ATG10: variants seen among roughly 807,000 people sequenced by gnomAD.
ATG10 encodes the protein autophagy related 10, also known as ubiquitin-like-conjugating enzyme ATG10.
ATG10 carries 30 observed loss-of-function variants against 32.1 expected under a neutral mutation model. The observed-to-expected ratio is 0.94, with a 90% CI of 0.70 to 1.27. The LOEUF is 1.27. ATG10 is among the 50% of genes most tolerant of loss of function. The pLI, the probability that ATG10 is intolerant of heterozygous loss-of-function variation, is 0.00. For synonymous variants in ATG10, 87 were observed against 91.5 expected (o/e 0.95, Z 0.28); for missense variants, 233 against 262.3 (o/e 0.89, Z 0.77).
chr5:82,175,999 A>G (rs776227594), intron 4 of ATG10, among the ~76,000 whole-genome samples: 2 of 152,182 alleles, frequency 1.3e-5, no homozygotes, highest in Non-Finnish European at 2.9e-5. Flanking sequence ...CCTGGCATAT[A>G]GTAGGTGCCC....
At chr5:82,042,786 C>T (rs1763126073) in intron 2 of ATG10, among the ~76,000 whole-genome samples, 1 of 152,186 alleles carries the variant, frequency 6.6e-6, no homozygotes, top group East Asian at 1.9e-4. Context: ...CTCCATGTCT[C>T]ATATCCTGGG....
Position 82,192,538 on chromosome 5 carries a change from C to T in ATG10, c.453+13951C>T, listed in dbSNP as rs572807773. Among the ~76,000 whole-genome samples, 5 of 152,116 alleles carry T rather than the reference C, an allele frequency of 3.3e-5. No individual in the cohort carries two copies. In the East Asian group the frequency reaches 7.7e-4, roughly 24 times the overall value. On this transcript the variant is annotated intron_variant, in intron 5 of 7. Transcript: ENST00000282185. ...TTCTTCTACTTATTAGCAGTGTGAC[C>T]GAGGACAGTTATTAGGCGTTTCACC...
intron 5 of ATG10, among the ~76,000 whole-genome samples, chr5:82,191,523 A>G (rs1744661752): frequency 6.6e-6 from 1 of 152,216 alleles, no homozygotes; most frequent in South Asian, 2.1e-4. Context: ...TGAGGTTGAT[A>G]CTATTCTCCA....
intron 3 of ATG10, among the ~76,000 whole-genome samples, chr5:82,158,351 C>G (rs930710982): frequency 6.7e-6 from 1 of 149,938 alleles, no homozygotes; most frequent in African/African-American, 2.5e-5. Flanking sequence ...TACAGCTGCC[C>G]CCCCGCCCCC....
chr5:82,198,189 C>T (rs1253037330), intron 5 of ATG10, among the ~76,000 whole-genome samples: 4 of 152,108 alleles, frequency 2.6e-5, no homozygotes, highest in Non-Finnish European at 5.9e-5. Context: ...TATTAGACTA[C>T]ATAAAGAGGG....
chr5:82,042,429 A>G (rs1273190582), intron 2 of ATG10, among the ~76,000 whole-genome samples: 1 of 152,114 alleles, frequency 6.6e-6, no homozygotes, highest in Non-Finnish European at 1.5e-5. Flanking sequence ...TACAAATCTA[A>G]ACCGTATCAT....
At chr5:82,001,602 A>C (rs1414893251) in intron 2 of ATG10, among the ~76,000 whole-genome samples, 1 of 152,226 alleles carries the variant, frequency 6.6e-6, no homozygotes, top group Non-Finnish European at 1.5e-5. Context: ...CCATATGCAG[A>C]GAATTGAAAC....
In ATG10 at chr5:82,146,970, T is replaced by C. The variant is rs73136780; in HGVS notation, c.217-17429T>C. Among the ~76,000 whole-genome samples, 863 of 152,312 alleles carry C rather than the reference T, an allele frequency of 5.7e-3. 14 individuals are homozygous for C. Among genetic ancestry groups the C allele is most frequent in the African/African-American group, 0.019 (807 of 41,568 alleles). On this transcript the variant is annotated intron_variant, in intron 3 of 7. Coordinates refer to ENST00000282185, the MANE Select transcript of ATG10 (RefSeq NM_031482.5). ...GTCACGTTCAATTCTCTGTTCTTTCTATGTTGGGTAATTCTTGAGTACATT... is the reference window on the plus strand; with the variant it reads ...GTCACGTTCAATTCTCTGTTCTTTCCATGTTGGGTAATTCTTGAGTACATT...
chr5:82,058,719 C>G, intron 3 of ATG10, 117 bp downstream of exon 3: 1 of 607,980 alleles, frequency 1.6e-6, no homozygotes, highest in Non-Finnish European at 2.9e-6. Flanking sequence ...TTATATGGCA[C>G]TCATATTGAA....
At chr5:82,179,986 C>G (rs1325573546) in intron 5 of ATG10, among the ~76,000 whole-genome samples, 1 of 152,146 alleles carries the variant, frequency 6.6e-6, no homozygotes, top group Non-Finnish European at 1.5e-5. Context: ...AGCCCTCTGA[C>G]CTCACGTGGA....
chr5:81,983,458 G>A, intron 1 of ATG10, among the ~76,000 whole-genome samples: 1 of 143,446 alleles, frequency 7.0e-6, no homozygotes. Flanking sequence ...GCCGGGCGGG[G>A]GTCTGACCCC....
intron 3 of ATG10, among the ~76,000 whole-genome samples, chr5:82,065,637 TATTTA>T (rs1382328987): frequency 6.6e-6 from 1 of 152,218 alleles, no homozygotes; most frequent in African/African-American, 2.4e-5. Flanking sequence ...ATTTTTTTTG[TATTTA>T]ATTGAAGACT....
At chr5:82,218,852 A>T (rs1745805874) in intron 5 of ATG10, among the ~76,000 whole-genome samples, 1 of 152,060 alleles carries the variant, frequency 6.6e-6, no homozygotes, top group Non-Finnish European at 1.5e-5. Flanking sequence ...AATCATTAAG[A>T]CTCTGTCAAG....
chr5:82,029,188 T>C (rs1374708405), intron 2 of ATG10, among the ~76,000 whole-genome samples: 1 of 152,244 alleles, frequency 6.6e-6, no homozygotes, highest in East Asian at 1.9e-4. Flanking sequence ...ATCCAAATTC[T>C]GGTTAATGAT....
intron 2 of ATG10, among the ~76,000 whole-genome samples, chr5:82,049,300 A>G (rs1446184397): frequency 4.0e-5 from 6 of 151,668 alleles, no homozygotes; most frequent in Non-Finnish European, 5.9e-5. Flanking sequence ...TCGCAAGAAC[A>G]AAAAACCAAA....
intron 3 of ATG10, among the ~76,000 whole-genome samples, chr5:82,148,590 AGTTTTTCT>A (rs1394901989): frequency 6.6e-6 from 1 of 152,154 alleles, no homozygotes; most frequent in African/African-American, 2.4e-5. Context: ...AGCTACCTGT[AGTTTTTCT>A]GTTTTTCTGT....
intron 2 of ATG10, among the ~76,000 whole-genome samples, chr5:82,022,094 C>A (rs1762457872): frequency 6.7e-6 from 1 of 149,138 alleles, no homozygotes; most frequent in Non-Finnish European, 1.5e-5. Context: ...GAGGCTGAGG[C>A]AGGAGAATTA....
rs537727865 is a variant in ATG10, at chr5:82,239,120, C to T, written c.454-13442C>T. Among the ~76,000 whole-genome samples the T allele has an allele frequency of 6.4e-4, 97 of 152,248 alleles. 2 individuals carry two copies. In the South Asian group the frequency reaches 0.019, roughly 30 times the overall value. The stretch of plus-strand genomic sequence containing the variant: ...GAAGAAATATTTGAGAAAACAGATA[C>T]TGAAGTTTTTATCTTATGTTGGGAC... On this transcript the variant is annotated intron_variant, in intron 5 of 7. Coordinates refer to ENST00000282185, the MANE Select transcript of ATG10 (RefSeq NM_031482.5).
At chr5:82,028,186 G>A (rs1332664289) in intron 2 of ATG10, among the ~76,000 whole-genome samples, 1 of 152,164 alleles carries the variant, frequency 6.6e-6, no homozygotes, top group Non-Finnish European at 1.5e-5. Context: ...TATTGGATGG[G>A]ATAAAGATAG....
Sources: allele counts gnomAD v4.1 joint callset (sites outside exome capture counted in the v4.1 genomes callset), GRCh38; gene constraint gnomAD v4.1.1; transcripts MANE v1.5; gene names NCBI Gene and HGNC (gene_info 2026-07-23, HGNC 2026-07-21).